The following ADAMTS3 variants were observed in gnomAD, a reference collection of about 807,000 sequenced individuals.
The protein encoded by ADAMTS3 is ADAM metallopeptidase with thrombospondin type 1 motif 3, also known as A disintegrin and metalloproteinase with thrombospondin motifs 3.
ADAMTS3 carries 73 observed loss-of-function variants against 129.0 expected under a neutral mutation model. The observed-to-expected ratio is 0.57, with a 90% CI of 0.47 to 0.69. The LOEUF (loss-of-function observed/expected upper bound fraction) is 0.69. ADAMTS3 is among the 30% of genes least tolerant of loss of function. The pLI, the probability that ADAMTS3 is intolerant of heterozygous loss-of-function variation, is 0.00. For missense variants in ADAMTS3, 1,457 were observed against 1,514.5 expected, an observed-to-expected ratio of 0.96 and a Z score of 0.63; for synonymous variants, 477 against 510.8, an observed-to-expected ratio of 0.93 and a Z score of 0.89.
intron 3 of ADAMTS3, among the ~76,000 whole-genome samples, chr4:72,536,049 T>A (rs937151007): frequency 6.6e-6 from 1 of 152,200 alleles, no homozygotes; most frequent in African/African-American, 2.4e-5. Flanking sequence ...GGTCATTTTC[T>A]ATATGGTTAT....
intron 3 of ADAMTS3, among the ~76,000 whole-genome samples, chr4:72,524,208 A>G (rs1372783621): frequency 6.6e-6 from 1 of 152,168 alleles, no homozygotes; most frequent in Admixed American, 6.6e-5. Flanking sequence ...GCCTTCAACA[A>G]AAAGACAAAG....
At chr4:72,525,339 C>T (rs1415365793) in intron 3 of ADAMTS3, among the ~76,000 whole-genome samples, 1 of 152,190 alleles carries the variant, frequency 6.6e-6, no homozygotes, top group African/African-American at 2.4e-5. Context: ...TTCCCTGAAA[C>T]TCCACCAATT....
At chr4:72,306,325 G>A (rs558086138) in intron 15 of ADAMTS3, among the ~76,000 whole-genome samples, 1 of 151,890 alleles carries the variant, frequency 6.6e-6, no homozygotes, top group East Asian at 1.9e-4. Context: ...CTTATCTTGC[G>A]TTGACCTTCA....
chr4:72,342,203 T>C (rs973068288), intron 4 of ADAMTS3, among the ~76,000 whole-genome samples: 18 of 152,196 alleles, frequency 1.2e-4, no homozygotes, highest in African/African-American at 3.9e-4. Context: ...AGGATGATCA[T>C]AGCCCTTCCC....
rs544385275 is a variant in ADAMTS3, at chr4:72,405,799, T to C, written c.661+9016A>G. ...AGGCCAAGTCTCAGATGGGGAGAGA[T>C]AGGATTAAGCATACAGGATTAAAAT... On this transcript the variant is annotated intron_variant, in intron 4 of 21. Coordinates refer to ENST00000286657, the MANE Select transcript of ADAMTS3 (RefSeq NM_014243.3). Among the ~76,000 whole-genome samples the C allele has an allele frequency of 1.8e-3, 277 of 152,172 alleles. 2 individuals carry two copies. The highest frequency in any genetic ancestry group is 3.0e-3 in the Non-Finnish European group (201 of 68,002).
intron 3 of ADAMTS3, among the ~76,000 whole-genome samples, chr4:72,519,466 C>T (rs1026248154): frequency 1.3e-5 from 2 of 152,210 alleles, no homozygotes; most frequent in Non-Finnish European, 2.9e-5. Flanking sequence ...CCATCACTTT[C>T]AGGTACACAA....
rs138069821 is a variant in ADAMTS3, at chr4:72,503,772, G to A, written c.504+44706C>T. On this transcript the variant is annotated intron_variant, in intron 3 of 21. Coordinates refer to ENST00000286657, the MANE Select transcript of ADAMTS3 (RefSeq NM_014243.3). ...GGTCTAGAAGTACTTTATGAATACA[G>A]GTCCTCCAATGTTGGATGTGTATAT... Among the ~76,000 whole-genome samples, 378 of 152,278 alleles carry A rather than the reference G, an allele frequency of 2.5e-3. 3 individuals are homozygous for A. The highest frequency in any genetic ancestry group is 8.9e-3 in the African/African-American group (369 of 41,568).
At chr4:72,329,109 G>A (rs1233559939) in intron 5 of ADAMTS3, among the ~76,000 whole-genome samples, 1 of 152,148 alleles carries the variant, frequency 6.6e-6, no homozygotes, top group Non-Finnish European at 1.5e-5. Flanking sequence ...GGTGGAGAAT[G>A]GAATAGTCAA....
At chr4:72,444,076 A>G (rs1718189146) in intron 3 of ADAMTS3, among the ~76,000 whole-genome samples, 1 of 151,790 alleles carries the variant, frequency 6.6e-6, no homozygotes, top group South Asian at 2.1e-4. Context: ...TGGCACCAGG[A>G]AAGAGGCAGC....
At chr4:72,308,971 T>G (rs1201972364) in intron 15 of ADAMTS3, among the ~76,000 whole-genome samples, 1 of 152,010 alleles carries the variant, frequency 6.6e-6, no homozygotes, top group Non-Finnish European at 1.5e-5. Context: ...TTAAAATAAG[T>G]AAAACTAATG....
At chr4:72,515,468 C>T (rs1342440781) in intron 3 of ADAMTS3, among the ~76,000 whole-genome samples, 3 of 151,326 alleles carry the variant, frequency 2.0e-5, no homozygotes, top group Non-Finnish European at 4.4e-5. Flanking sequence ...TAAAAGTGTT[C>T]CTATTTCTCC....
intron 20 of ADAMTS3, among the ~76,000 whole-genome samples, chr4:72,289,772 C>T (rs1718609807): frequency 6.6e-6 from 1 of 152,148 alleles, no homozygotes; most frequent in Non-Finnish European, 1.5e-5. Context: ...CTCTGTGTCT[C>T]TCTTGCATGC....
chr4:72,379,372 C>T (rs919456517), intron 4 of ADAMTS3, among the ~76,000 whole-genome samples: 16 of 151,242 alleles, frequency 1.1e-4, no homozygotes, highest in African/African-American at 2.2e-4. Context: ...ATCTACTTCA[C>T]GCGCTGGACT....
chr4:72,415,063 T>C, intron 3 of ADAMTS3, 92 bp from the exon 4 acceptor site: 2 of 978,618 alleles, frequency 2.0e-6, no homozygotes, highest in African/African-American at 3.3e-5. Flanking sequence ...AGAATATGAC[T>C]TGTGAAAACT....
intron 3 of ADAMTS3, among the ~76,000 whole-genome samples, chr4:72,439,997 A>G (rs2109959052): frequency 6.6e-6 from 1 of 151,916 alleles, no homozygotes; most frequent in Admixed American, 6.6e-5. Flanking sequence ...ATGCCAATGC[A>G]AAATTTCAAA....
intron 4 of ADAMTS3, among the ~76,000 whole-genome samples, chr4:72,406,264 T>G: frequency 6.6e-6 from 1 of 152,122 alleles, no homozygotes; most frequent in East Asian, 1.9e-4. Context: ...GCAAAAAAGA[T>G]AGCCAGCCCA....
At chr4:72,358,823 C>T (rs1720647261) in intron 4 of ADAMTS3, among the ~76,000 whole-genome samples, 1 of 151,846 alleles carries the variant, frequency 6.6e-6, no homozygotes, top group South Asian at 2.1e-4. Context: ...GGATAGGAGA[C>T]ATCTAAGTCT....
At chr4:72,479,555 A>T (rs930367764) in intron 3 of ADAMTS3, among the ~76,000 whole-genome samples, 4 of 152,222 alleles carry the variant, frequency 2.6e-5, no homozygotes, top group Non-Finnish European at 2.9e-5. Context: ...AAGATGGATT[A>T]AAGACTTAAA....
At chr4:72,374,671 AGTTATACATTTCAAGAGAAT>A (rs1224224231) in intron 4 of ADAMTS3, among the ~76,000 whole-genome samples, 3 of 152,088 alleles carry the variant, frequency 2.0e-5, no homozygotes. Flanking sequence ...TTGCTATTTC[AGTTATACATTTCAAGAGAAT>A]GAGGTGACTG....
Sources: gnomAD v4.1 joint callset for allele counts (sites outside exome capture counted in the v4.1 genomes callset) on GRCh38, gnomAD v4.1.1 for gene constraint, MANE v1.5 for transcripts, NCBI Gene and HGNC (gene_info 2026-07-23, HGNC 2026-07-21) for gene names.